Variants in AP3S2 observed in about 807,000 individuals in gnomAD.
The protein encoded by AP3S2 is adaptor related protein complex 3 subunit sigma 2, also known as AP-3 complex subunit sigma-2.
A neutral mutation model predicts 23.4 loss-of-function variants in AP3S2; 22 were observed. That is an observed-to-expected ratio of 0.94 (90% confidence interval 0.67 to 1.34). AP3S2 has a LOEUF of 1.34. Among genes scored for constraint, AP3S2 ranks in the 40% most tolerant of loss-of-function variants. The pLI, the probability that AP3S2 is intolerant of heterozygous loss-of-function variation, is 0.00. For synonymous variants in AP3S2, 86 were observed against 87.1 expected, an observed-to-expected ratio of 0.99 and a Z score of 0.07; for missense variants, 241 against 236.9, an observed-to-expected ratio of 1.02 and a Z score of -0.11.
At position 89,888,512 on chromosome 15, in the gene AP3S2, T is replaced by G. The variant is rs769644751; in HGVS notation, c.273+9A>C. ...AAAGCTGCTGCCATCATTAGCTGAC[T>G]ACACATACCTGGATGAGGTCCAAGA... is the stretch of plus-strand genomic sequence containing the variant. On this transcript the variant is annotated intron_variant, in intron 3 of 5. Coordinates refer to ENST00000336418, the MANE Select transcript of AP3S2 (RefSeq NM_005829.5). The G allele has an allele frequency of 4.3e-6, 7 of 1,613,454 alleles. No individual in the cohort carries two copies. In the African/African-American group the frequency reaches 8.0e-5, roughly 18 times the overall value.
At chr15:89,845,848 C>T (rs550347052) in intron 4 of AP3S2, 66 of 152,318 alleles carry the variant, frequency 4.3e-4, no homozygotes, top group African/African-American at 1.6e-3. Context: ...AATAATAATT[C>T]AACCTTCTAC....
rs1896589929 is a variant in AP3S2, at chr15:89,882,312, A to T, written c.273+6209T>A. On this transcript the variant is annotated intron_variant, in intron 3 of 5. Coordinates refer to ENST00000336418, the MANE Select transcript of AP3S2 (RefSeq NM_005829.5). ...TGTCTGTTATCCTAGGTGCTCTGCT[A>T]CCTGAATCAGCTGAGAACACTCATT... Among the ~76,000 whole-genome samples the T allele has an allele frequency of 2.0e-5, 3 of 151,778 alleles. No individual in the cohort carries two copies. In the South Asian group the frequency reaches 6.2e-4, roughly 31 times the overall value.
chr15:89,845,052 C>T (rs1360298911), intron 4 of AP3S2, among the ~76,000 whole-genome samples: 1 of 151,834 alleles, frequency 6.6e-6, no homozygotes, highest in East Asian at 1.9e-4. Flanking sequence ...ACTACAGGCG[C>T]CCGCCACCAC....
chr15:89,846,889 T>C (rs954577206), intron 4 of AP3S2, among the ~76,000 whole-genome samples: 2 of 152,152 alleles, frequency 1.3e-5, no homozygotes, highest in African/African-American at 2.4e-5. Context: ...CAGGCTGGTC[T>C]CAAACTCCTG....
intron 4 of AP3S2, among the ~76,000 whole-genome samples, chr15:89,870,475 A>G (rs1896292971): frequency 6.6e-6 from 1 of 152,224 alleles, no homozygotes; most frequent in Admixed American, 6.5e-5. Flanking sequence ...GGTGAGAGAC[A>G]AAACTTTACT....
At chr15:89,843,622 G>A (rs547635106) in intron 4 of AP3S2, among the ~76,000 whole-genome samples, 3 of 152,060 alleles carry the variant, frequency 2.0e-5, no homozygotes, top group East Asian at 3.9e-4. Context: ...GTGATGGAGC[G>A]AGACTCTATC....
chr15:89,888,588 G>C lies in AP3S2; in HGVS notation c.206C>G (p.Ala69Gly). The C allele has an allele frequency of 6.2e-6, 10 of 1,614,236 alleles. No individual in the cohort carries two copies. Among genetic ancestry groups the C allele is most frequent in the Non-Finnish European group, 8.5e-6 (10 of 1,180,050 alleles). The change falls in exon 3 of 6, where the codon GCT becomes GGT. Residue 69 changes from alanine (A) to glycine (G), a missense_variant. Transcript: ENST00000336418. Reference protein sequence around the residue: ...SDYKLIYRHYATLYFVFCVDS... With the variant: ...SDYKLIYRHYGTLYFVFCVDS... ...CACACAAAATACAAAGTAGAGGGTA[G>C]CATAGTGCCGGTAGATCAGTTTGTA...
chr15:89,892,142 T>G (rs1028392520), intron 1 of AP3S2, among the ~76,000 whole-genome samples: 1 of 152,182 alleles, frequency 6.6e-6, no homozygotes, highest in African/African-American at 2.4e-5. Flanking sequence ...AAACCACTTA[T>G]TTATGATTCC....
chr15:89,842,992 CT>C (rs762631992), intron 4 of AP3S2, among the ~76,000 whole-genome samples: 2 of 149,130 alleles, frequency 1.3e-5, no homozygotes, highest in Non-Finnish European at 3.0e-5. Flanking sequence ...TTCTTTTTTT[CT>C]TTTTTTTTGA....
chr15:89,846,016 A>G (rs1320038088), intron 4 of AP3S2, among the ~76,000 whole-genome samples: 2 of 152,250 alleles, frequency 1.3e-5, no homozygotes, highest in Non-Finnish European at 1.5e-5. Context: ...CATCTGACAT[A>G]AAGATTAGGA....
chr15:89,872,550 G>T (rs1205026730), intron 3 of AP3S2, among the ~76,000 whole-genome samples: 1 of 152,128 alleles, frequency 6.6e-6, no homozygotes. Flanking sequence ...CTCAGACAAT[G>T]ACCTCATTTA....
intron 4 of AP3S2, chr15:89,852,731 G>A (rs1271310480): frequency 2.6e-5 from 4 of 152,210 alleles, no homozygotes; most frequent in Non-Finnish European, 4.4e-5. Flanking sequence ...CCATAAAACT[G>A]TTTCTAAGGA....
intron 2 of AP3S2, 75 bp downstream of exon 2, chr15:89,888,974 T>TA: frequency 6.4e-7 from 1 of 1,552,028 alleles, no homozygotes; most frequent in Non-Finnish European, 8.9e-7. Flanking sequence ...GACACTTGAG[T>TA]ACTGTCAGAA....
chr15:89,860,594 TTGAC>T (rs1895990016), intron 4 of AP3S2, among the ~76,000 whole-genome samples: 1 of 152,208 alleles, frequency 6.6e-6, no homozygotes, highest in South Asian at 2.1e-4. Flanking sequence ...TGGACCATGG[TTGAC>T]TGTGCATAAC....
At chr15:89,882,606 G>A (rs544670942) in intron 3 of AP3S2, among the ~76,000 whole-genome samples, 3 of 152,186 alleles carry the variant, frequency 2.0e-5, no homozygotes, top group African/African-American at 4.8e-5. Flanking sequence ...TGATCTGCCC[G>A]CCTCGGCCTC....
chr15:89,892,670 T>TG (rs1567190880), intron 1 of AP3S2, among the ~76,000 whole-genome samples: 43 of 151,514 alleles, frequency 2.8e-4, no homozygotes, highest in South Asian at 8.3e-4. Flanking sequence ...ATATACTTTT[T>TG]TGTGTGTGTG....
chr15:89,890,140 T>TC (rs1240145933), intron 1 of AP3S2, among the ~76,000 whole-genome samples: 5 of 151,026 alleles, frequency 3.3e-5, no homozygotes, highest in Non-Finnish European at 7.4e-5. Flanking sequence ...AACCTCCACC[T>TC]CCGGGTTCAA....
rs371542418 is a variant in AP3S2 at position 89,835,937 on chromosome 15, A to G, written c.454-294T>C. ...CAGCTACTAGGGAGGCTGAGGCAGG[A>G]AAATCGCTTGAACTCAGAAGGCGGA... On this transcript the variant is annotated intron_variant, in intron 5 of 5. Transcript: ENST00000336418. Among the ~76,000 whole-genome samples the G allele has an allele frequency of 2.3e-3, 353 of 152,240 alleles. 4 individuals are homozygous for G. The highest frequency in any genetic ancestry group is 8.2e-3 in the African/African-American group (342 of 41,538).
intron 4 of AP3S2, among the ~76,000 whole-genome samples, chr15:89,857,517 A>T (rs932624647): frequency 6.6e-6 from 1 of 152,212 alleles, no homozygotes; most frequent in East Asian, 1.9e-4. Context: ...TATAAAAACC[A>T]TTTATTCTGT....
Sources: allele counts gnomAD v4.1 joint callset (sites outside exome capture counted in the v4.1 genomes callset), GRCh38; gene constraint gnomAD v4.1.1; transcripts MANE v1.5; gene names NCBI Gene and HGNC (gene_info 2026-07-23, HGNC 2026-07-21).